TTC21A: variants seen among roughly 807,000 people sequenced by gnomAD.
TTC21A encodes tetratricopeptide repeat domain 21A.
A neutral mutation model predicts 156.4 loss-of-function variants in TTC21A; 128 were observed. The observed-to-expected ratio is 0.82, with a 90% confidence interval of 0.71 to 0.95. TTC21A has a LOEUF of 0.95. Ranked by LOEUF, TTC21A falls within the 40% of genes least tolerant of loss-of-function variation. The pLI is 0.00. For synonymous variants in TTC21A, 587 were observed against 617.1 expected (o/e 0.95, Z 0.72); for missense variants, 1,435 against 1,602.3 (o/e 0.90, Z 1.78).
chr3:39,107,924 A>C, intron 1 of TTC21A, 60 bp downstream of exon 1: 27 of 1,598,720 alleles, frequency 1.7e-5, no homozygotes, highest in Non-Finnish European at 2.3e-5. Context: ...TGACCCAGAG[A>C]CCGTCTGCCC....
chr3:39,134,792 TC>T lies in TTC21A; in HGVS notation c.2863-297del. ...AGTTCTCAGAATGGGTGGAGAGGCT[TC>T]CCCTGTAGGCTGTCAAAAAGCCCCA... is the stretch of plus-strand genomic sequence containing the variant. On this transcript the variant is annotated intron_variant, in intron 21 of 28. Transcript: ENST00000683103. This position sits in a 1 kb window ranked among gnomAD's most constrained non-coding sequence, Gnocchi z 4.6. The T allele has an allele frequency of 1.3e-5, 7 of 529,076 alleles. No homozygotes were observed. The South Asian group carries it at 1.6e-4, about 12-fold the overall frequency. The allele number at this position is 529,076 out of a possible 1,614,324, so 32.8% of individuals were successfully genotyped here.
intron 9 of TTC21A, among the ~76,000 whole-genome samples, chr3:39,122,151 A>C (rs1054533693): frequency 2.6e-5 from 4 of 152,044 alleles, no homozygotes; most frequent in African/African-American, 9.7e-5. Flanking sequence ...TCTACTAAAA[A>C]CACACAAAAA....
At chr3:39,115,844 A>AT (rs2037248994) in intron 6 of TTC21A, among the ~76,000 whole-genome samples, 1 of 152,164 alleles carries the variant, frequency 6.6e-6, no homozygotes, top group Non-Finnish European at 1.5e-5. Context: ...CTAAAAAAAA[A>AT]AGCATATAAT....
chr3:39,130,007 T>C lies in TTC21A; in HGVS notation c.2136-72T>C. Reference sequence around the variant, plus strand: ...TCAGCCAGAATCAGTGGGAAGGAAGTGAAGGAGATGATTTCAGGAACATGA... The same window carrying C: ...TCAGCCAGAATCAGTGGGAAGGAAGCGAAGGAGATGATTTCAGGAACATGA... On this transcript the variant is annotated intron_variant, in intron 15 of 28. Transcript: ENST00000683103. The surrounding 1 kb of genome is among the most constrained non-coding windows in gnomAD (Gnocchi z 4.5). 7.0e-7 allele frequency: 1 copy of C among 1,427,106 alleles called. No individual in the cohort carries two copies. Among genetic ancestry groups the C allele is most frequent in the Non-Finnish European group, 9.8e-7 (1 of 1,020,192 alleles). The allele number at this position is 1,427,106 out of a possible 1,614,324, so 88.4% of individuals were successfully genotyped here. A position where few individuals can be genotyped will look rare whatever the true frequency, so the allele number is the denominator to read the frequency against.
Position 39,128,864 on chromosome 3 carries a change from G to C in TTC21A, c.1828G>C (p.Val610Leu). ...EEGRKFLRPS[V>L]QPSQRASILL... ...AGGCAGAAAGTTCCTCAGGCCCTCT[G>C]TGCAGCCTAGCCAGCGGGCATCCAT... Residue 610 changes from valine (V) to leucine (L), a missense_variant, in exon 14 of 29, where the codon GTG becomes CTG. Coordinates refer to ENST00000683103, the MANE Select transcript of TTC21A (RefSeq NM_001366900.1). The C allele has an allele frequency of 6.2e-7, 1 of 1,614,196 alleles. No homozygotes were observed. The highest frequency in any genetic ancestry group is 1.1e-5 in the South Asian group (1 of 91,088).
At chr3:39,113,580 C>G (rs7355904) in intron 5 of TTC21A, among the ~76,000 whole-genome samples, 15,264 of 152,258 alleles carry the variant, frequency 0.1, 1,492 homozygotes, top group African/African-American at 0.25. Flanking sequence ...GCCACCAACT[C>G]TCCTGCTCCT....
Position 39,130,560 on chromosome 3 carries a change from T to C in TTC21A, c.2320-141T>C, listed in dbSNP as rs2038647159. 2 of 1,157,282 alleles carry C rather than the reference T, an allele frequency of 1.7e-6. No individual in the cohort carries two copies. The highest frequency in any genetic ancestry group is 2.5e-6 in the Non-Finnish European group (2 of 805,852). The allele number at this position is 1,157,282 out of a possible 1,614,324, so 71.7% of individuals were successfully genotyped here. The stretch of plus-strand genomic sequence containing the variant: ...TGCTTAAGCTGAGGGTTACACCCTG[T>C]GCCAGCTGGGAGGAGTGCCTTTTCA... On this transcript the variant is annotated intron_variant, in intron 17 of 28. Coordinates refer to ENST00000683103, the MANE Select transcript of TTC21A (RefSeq NM_001366900.1). The surrounding 1 kb of genome is among the most constrained non-coding windows in gnomAD (Gnocchi z 4.5).
intron 26 of TTC21A, 199 bp from the exon 27 acceptor site, chr3:39,138,068 G>T: frequency 1.4e-6 from 1 of 698,586 alleles, no homozygotes; most frequent in Non-Finnish European, 2.4e-6. Context: ...TTACGCCAGT[G>T]TCTGGGGTAG....
Position 39,123,924 on chromosome 3 carries a change from C to A in TTC21A, c.1094-1139C>A, listed in dbSNP as rs1018270079. On this transcript the variant is annotated intron_variant, in intron 9 of 28. Transcript: ENST00000683103. Reference sequence around the variant, plus strand: ...GAAAAGGCTATATTGGAAATATGAACAGGTGTTCATTCTCCCTAATAGTTA... The same window carrying A: ...GAAAAGGCTATATTGGAAATATGAAAAGGTGTTCATTCTCCCTAATAGTTA... Among the ~76,000 whole-genome samples, 4 of 152,046 alleles carry A rather than the reference C, an allele frequency of 2.6e-5. No homozygotes were observed. The East Asian group carries it at 7.7e-4, about 29-fold the overall frequency.
Position 39,118,172 on chromosome 3 carries a change from CAGA to C in TTC21A, c.801+22_801+24del. The C allele has an allele frequency of 6.2e-7, 1 of 1,612,518 alleles. No homozygotes were observed. Among genetic ancestry groups the C allele is most frequent in the South Asian group, 1.1e-5 (1 of 91,046 alleles). Reference sequence around the variant, plus strand: ...GACCACAGTAAGTTCTTTGAAGACTCAGAAGGTGATCCTTGAAACAGAATCAAG... The same window carrying C: ...GACCACAGTAAGTTCTTTGAAGACTCAGGTGATCCTTGAAACAGAATCAAG... On this transcript the variant is annotated intron_variant, in intron 7 of 28. Transcript: ENST00000683103.
In TTC21A at chr3:39,128,942, G is replaced by A; in HGVS notation, c.1896+10G>A. The A allele has an allele frequency of 6.2e-7, 1 of 1,614,048 alleles. No individual in the cohort carries two copies. Among genetic ancestry groups the A allele is most frequent in the East Asian group, 2.2e-5 (1 of 44,880 alleles). On this transcript the variant is annotated intron_variant, in intron 14 of 28. Coordinates refer to ENST00000683103, the MANE Select transcript of TTC21A (RefSeq NM_001366900.1). ...GCTGAATGGGGAGCTAGTAAGAAATGCCGTGCTCTCTTCCCTGGGGACTGG... is the reference window on the plus strand; with the variant it reads ...GCTGAATGGGGAGCTAGTAAGAAATACCGTGCTCTCTTCCCTGGGGACTGG...
At chr3:39,119,765 C>G in intron 7 of TTC21A, 157 bp from the exon 8 acceptor site, 1 of 612,966 alleles carries the variant, frequency 1.6e-6, no homozygotes, top group East Asian at 2.8e-5. Context: ...CTGGACCACT[C>G]CAATTCACTT....
intron 3 of TTC21A, 103 bp from the exon 4 acceptor site, chr3:39,110,748 G>C: frequency 7.9e-7 from 1 of 1,263,194 alleles, no homozygotes; most frequent in Non-Finnish European, 1.1e-6. Flanking sequence ...ACAGTGTCTG[G>C]GGGAGACCCC....
At chr3:39,132,456 C>T (rs943835065) in intron 19 of TTC21A, among the ~76,000 whole-genome samples, 1 of 152,220 alleles carries the variant, frequency 6.6e-6, no homozygotes, top group African/African-American at 2.4e-5. Flanking sequence ...CTCTGTGCTT[C>T]TAGAGGGAGG....
chr3:39,125,415 G>T lies in TTC21A; in HGVS notation c.1275G>T (p.Val425=). ...CCACAGCGCTCCTGAAGGAGGCAGT[G>T]GAGCTTCACTTCTCCAGCATGCAAG... The part of the protein sequence containing the change: ...EETTALLKEA[V]ELHFSSMQGI... The change falls in exon 11 of 29, where the codon GTG becomes GTT. Residue 425 remains valine (V), a synonymous_variant. Transcript: ENST00000683103. 1 of 1,614,178 alleles carries T rather than the reference G, an allele frequency of 6.2e-7. No homozygotes were observed. The highest frequency in any genetic ancestry group is 2.2e-5 in the East Asian group (1 of 44,890).
In TTC21A at chr3:39,125,533, G is replaced by T. The variant is rs201202999; in HGVS notation, c.1392+1G>T. Reference sequence around the variant, plus strand: ...GTACTTGCTCTTCTGCCCCAAGCAGGTTAGGGGAAGGCCTGTCTTCATGGT... The same window carrying T: ...GTACTTGCTCTTCTGCCCCAAGCAGTTTAGGGGAAGGCCTGTCTTCATGGT... On this transcript the variant is annotated splice_donor_variant, in intron 11 of 28. Coordinates refer to ENST00000683103, the MANE Select transcript of TTC21A (RefSeq NM_001366900.1). LOFTEE classifies it high-confidence loss of function. The T allele has an allele frequency of 6.2e-7, 1 of 1,606,888 alleles. No individual in the cohort carries two copies. Among genetic ancestry groups the T allele is most frequent in the African/African-American group, 1.3e-5 (1 of 74,762 alleles).
intron 12 of TTC21A, 85 bp downstream of exon 12, chr3:39,126,475 T>TAC (rs59925253): frequency 0.06 from 31,142 of 518,310 alleles, 535 homozygotes; most frequent in South Asian, 0.073. Context: ...CCTAGGATAC[T>TAC]ACACACACAC....
At chr3:39,115,922 G>A (rs775959114) in intron 6 of TTC21A, among the ~76,000 whole-genome samples, 1 of 152,160 alleles carries the variant, frequency 6.6e-6, no homozygotes, top group Non-Finnish European at 1.5e-5. Context: ...GAATCTTATA[G>A]AGAGGTGCTG....
intron 7 of TTC21A, 35 bp downstream of exon 7, chr3:39,118,188 A>G (rs1479811684): frequency 6.2e-7 from 1 of 1,605,214 alleles, no homozygotes; most frequent in Non-Finnish European, 8.5e-7. Flanking sequence ...GTGATCCTTG[A>G]AACAGAATCA....
Sources: allele counts gnomAD v4.1 joint callset (sites outside exome capture counted in the v4.1 genomes callset), GRCh38; gene constraint gnomAD v4.1.1; non-coding constraint Gnocchi (gnomAD v3.1); transcripts MANE v1.5; gene names NCBI Gene and HGNC (gene_info 2026-07-23, HGNC 2026-07-21).